The following IGF1 variants were observed in gnomAD, a reference collection of about 807,000 sequenced individuals.
IGF1 encodes the protein insulin like growth factor 1.
In IGF1, 4 loss-of-function variants were observed where a neutral mutation model predicts 13.8. The observed-to-expected ratio is 0.29, with a 90% CI of 0.14 to 0.66. The LOEUF is 0.66. IGF1 is among the 30% of genes least tolerant of loss of function. The probability of loss-of-function intolerance (pLI) is 0.78; values close to 1 mark genes in which losing one functional copy is unlikely to be tolerated. For missense variants in IGF1, 124 were observed against 188.5 expected, an observed-to-expected ratio of 0.66 and a Z score of 2.00; for synonymous variants, 76 against 72.6, an observed-to-expected ratio of 1.05 and a Z score of -0.23.
At position 102,401,026 on chromosome 12, in the gene IGF1, G is replaced by A. The variant is rs1438890234; in HGVS notation, c.*1481C>T. 5 of 152,190 alleles carry A rather than the reference G, an allele frequency of 3.3e-5. No individual in the cohort carries two copies. The highest frequency in any genetic ancestry group is 3.3e-4 in the Admixed American group (5 of 15,272). 9.4% of individuals were successfully genotyped at this position (152,190 alleles called of 1,614,324 possible). On this transcript the variant is annotated 3_prime_UTR_variant, in exon 4 of 4. Coordinates refer to ENST00000337514, the MANE Select transcript of IGF1 (RefSeq NM_000618.5). ...TAGCTTCACTGACAAGAACTGAGAT[G>A]TCAGGAGCATTCAATTCACCAATCT...
chr12:102,479,241 T>C (rs1881258000), intron 1 of IGF1, among the ~76,000 whole-genome samples: 2 of 152,262 alleles, frequency 1.3e-5, no homozygotes, highest in South Asian at 4.2e-4. Flanking sequence ...AGGGTGTATC[T>C]TTAACTCCTG....
intron 2 of IGF1, among the ~76,000 whole-genome samples, chr12:102,451,185 C>A (rs1457411046): frequency 6.6e-6 from 1 of 152,178 alleles, no homozygotes; most frequent in Non-Finnish European, 1.5e-5. Context: ...TCTACGTAGA[C>A]CAATTGACTC....
Position 102,402,411 on chromosome 12 carries a change from A to G in IGF1, c.*96T>C. 3.9e-6 allele frequency: 3 copies of G among 777,858 alleles called. No homozygotes were observed. In the East Asian group the frequency reaches 7.3e-5, roughly 19 times the overall value. 48.2% of individuals were successfully genotyped at this position (777,858 alleles called of 1,614,324 possible). A position where few individuals can be genotyped will look rare whatever the true frequency, so the allele number is the denominator to read the frequency against. ...CCATCTTTTAAATGTTATCAAACTT[A>G]TTTTTTGGTAGGTGTTCCAAAGTTT... On this transcript the variant is annotated 3_prime_UTR_variant, in exon 4 of 4. Transcript: ENST00000337514.
intron 3 of IGF1, among the ~76,000 whole-genome samples, chr12:102,406,103 G>A (rs999277926): frequency 6.6e-6 from 1 of 152,198 alleles, no homozygotes; most frequent in African/African-American, 2.4e-5. Flanking sequence ...ACACGTGCAC[G>A]GTGGAGGCCA....
intron 2 of IGF1, chr12:102,463,639 A>C (rs948735456): frequency 2.6e-5 from 4 of 152,236 alleles, no homozygotes; most frequent in South Asian, 2.1e-4. Flanking sequence ...AGATTTCATG[A>C]ATGGCTAAGA....
At chr12:102,432,312 G>T (rs141871766) in intron 2 of IGF1, among the ~76,000 whole-genome samples, 12 of 152,128 alleles carry the variant, frequency 7.9e-5, no homozygotes, top group African/African-American at 2.9e-4. Flanking sequence ...AGGCATTTAG[G>T]CTATTTCTAG....
chr12:102,446,602 A>G (rs1878353666), intron 2 of IGF1, among the ~76,000 whole-genome samples: 1 of 149,504 alleles, frequency 6.7e-6, no homozygotes. Context: ...CATCTATTTG[A>G]TTCTTCTCTC....
chr12:102,404,055 G>T (rs1016269592), intron 3 of IGF1, among the ~76,000 whole-genome samples: 2 of 152,176 alleles, frequency 1.3e-5, no homozygotes, highest in Admixed American at 6.5e-5. Flanking sequence ...AAATCAAGGA[G>T]GAACTGGCAT....
At chr12:102,464,267 G>A (rs1297289946) in intron 2 of IGF1, among the ~76,000 whole-genome samples, 1 of 151,592 alleles carries the variant, frequency 6.6e-6, no homozygotes, top group Non-Finnish European at 1.5e-5. Flanking sequence ...TGGAGCAGTG[G>A]TGAAGGGGTC....
chr12:102,459,690 C>A (rs1879745514), intron 2 of IGF1, among the ~76,000 whole-genome samples: 1 of 152,018 alleles, frequency 6.6e-6, no homozygotes, highest in African/African-American at 2.4e-5. Flanking sequence ...AGGAAATATC[C>A]CTTTGATGAT....
At chr12:102,443,421 C>T (rs1246996026) in intron 2 of IGF1, among the ~76,000 whole-genome samples, 1 of 152,090 alleles carries the variant, frequency 6.6e-6, no homozygotes, top group Non-Finnish European at 1.5e-5. Context: ...GGCCACCATG[C>T]TGGGATGGTG....
chr12:102,406,428 T>C (rs1261324149), intron 3 of IGF1, among the ~76,000 whole-genome samples: 16 of 152,166 alleles, frequency 1.1e-4, no homozygotes, highest in Admixed American at 9.8e-4. Context: ...GCTTGTCCAA[T>C]ACAAACAAAC....
intron 1 of IGF1, chr12:102,478,744 G>A: frequency 1.0e-6 from 1 of 993,346 alleles, no homozygotes; most frequent in Non-Finnish European, 1.4e-6. Context: ...CCCCAGTCAA[G>A]CCACCTATTT....
At chr12:102,409,299 T>C (rs964811082) in intron 3 of IGF1, among the ~76,000 whole-genome samples, 6 of 152,208 alleles carry the variant, frequency 3.9e-5, no homozygotes, top group Admixed American at 1.3e-4. Context: ...TGCTCAAGCA[T>C]TGATGTTCTG....
intron 2 of IGF1, among the ~76,000 whole-genome samples, chr12:102,456,667 GATGT>G (rs1039532844): frequency 2.0e-5 from 3 of 152,128 alleles, no homozygotes; most frequent in African/African-American, 7.2e-5. Context: ...CTGCCCGAGA[GATGT>G]ATTTAATTAA....
intron 2 of IGF1, among the ~76,000 whole-genome samples, chr12:102,430,409 A>C (rs1592767856): frequency 6.6e-6 from 1 of 152,178 alleles, no homozygotes; most frequent in East Asian, 1.9e-4. Context: ...TTTATATAAA[A>C]GCTACATTTA....
intron 2 of IGF1, among the ~76,000 whole-genome samples, chr12:102,429,460 A>G (rs944402160): frequency 6.6e-6 from 1 of 152,052 alleles, no homozygotes; most frequent in Non-Finnish European, 1.5e-5. Flanking sequence ...ACTCCTCCCA[A>G]TCCCCTCCCC....
At chr12:102,455,978 G>A (rs1457844175) in intron 2 of IGF1, among the ~76,000 whole-genome samples, 7 of 152,174 alleles carry the variant, frequency 4.6e-5, no homozygotes, top group Non-Finnish European at 1.0e-4. Context: ...CAGCAGCGAT[G>A]GCTTATGGCC....
intron 3 of IGF1, among the ~76,000 whole-genome samples, chr12:102,402,897 C>G (rs1438760291): frequency 6.6e-6 from 1 of 152,222 alleles, no homozygotes; most frequent in African/African-American, 2.4e-5. Context: ...CTTCTGGCCT[C>G]TAGATCCTTT....
Sources: gnomAD v4.1 joint callset for allele counts (sites outside exome capture counted in the v4.1 genomes callset) on GRCh38, gnomAD v4.1.1 for gene constraint, MANE v1.5 for transcripts, NCBI Gene and HGNC (gene_info 2026-07-23, HGNC 2026-07-21) for gene names.